Variants in TLK1 observed in about 807,000 individuals in gnomAD.
TLK1 encodes serine/threonine-protein kinase tousled-like 1.
In TLK1, 24 loss-of-function variants were observed where a neutral mutation model predicts 105.3. That is an observed-to-expected ratio of 0.23 (90% CI 0.17 to 0.32). TLK1 has a LOEUF of 0.32. TLK1 is among the 10% of genes least tolerant of loss of function. TLK1 has a pLI of 1.00. For missense variants in TLK1, 558 were observed against 910.5 expected (o/e 0.61, Z 4.98); for synonymous variants, 321 against 310.4 (o/e 1.03, Z -0.36).
intron 1 of TLK1, among the ~76,000 whole-genome samples, chr2:171,126,955 C>A (rs1690891314): frequency 6.6e-6 from 1 of 151,152 alleles, no homozygotes; most frequent in African/African-American, 2.4e-5. Flanking sequence ...TTTTTTAATG[C>A]ACTCAAAAGT....
At position 170,993,696 on chromosome 2, in the gene TLK1, A is replaced by G. The variant is rs1683903615; in HGVS notation, c.*84T>C. ...AAAAAAAAAAAAAAAAAAAAGAAAA[A>G]GAAAACAAACACTCAAATGCTCTCA... On this transcript the variant is annotated 3_prime_UTR_variant, in exon 21 of 21. Transcript: ENST00000431350. The G allele has an allele frequency of 8.9e-7, 1 of 1,119,366 alleles. No individual in the cohort carries two copies. Among genetic ancestry groups the G allele is most frequent in the Non-Finnish European group, 1.2e-6 (1 of 833,152 alleles). The allele number at this position is 1,119,366 out of a possible 1,614,324, so 69.3% of individuals were successfully genotyped here.
At chr2:171,218,497 G>A (rs1196532174) in intron 1 of TLK1, among the ~76,000 whole-genome samples, 1 of 152,108 alleles carries the variant, frequency 6.6e-6, no homozygotes, top group Non-Finnish European at 1.5e-5. Context: ...TTAAAAAGTT[G>A]GTGTCTTAGT....
chr2:171,139,279 A>G (rs999728928), intron 1 of TLK1, among the ~76,000 whole-genome samples: 1 of 144,350 alleles, frequency 6.9e-6, no homozygotes, highest in Non-Finnish European at 1.6e-5. Context: ...CATTGGTACT[A>G]GCCGGTTGCC....
chr2:171,039,128 T>G (rs1375559650), intron 11 of TLK1, among the ~76,000 whole-genome samples: 3 of 152,198 alleles, frequency 2.0e-5, no homozygotes, highest in African/African-American at 7.2e-5. Context: ...AGCTTTCTTT[T>G]GGGTGGTGTT....
chr2:171,152,029 G>A (rs901105469), intron 1 of TLK1, among the ~76,000 whole-genome samples: 2 of 152,302 alleles, frequency 1.3e-5, no homozygotes, highest in African/African-American at 4.8e-5. Flanking sequence ...CTTCACCAGA[G>A]GAACTACATT....
At chr2:171,063,817 A>ACATGC (rs1220733731) in intron 3 of TLK1, among the ~76,000 whole-genome samples, 2 of 152,236 alleles carry the variant, frequency 1.3e-5, no homozygotes, top group African/African-American at 4.8e-5. Flanking sequence ...CAAAATGCTA[A>ACATGC]CATGCACTGG....
chr2:171,005,614 T>C (rs1684616565), intron 18 of TLK1, among the ~76,000 whole-genome samples: 2 of 152,276 alleles, frequency 1.3e-5, no homozygotes, highest in South Asian at 4.1e-4. Flanking sequence ...TGCGTACCTG[T>C]GGTCTCAGTT....
At chr2:171,203,533 T>C (rs1479914217) in intron 1 of TLK1, among the ~76,000 whole-genome samples, 3 of 152,226 alleles carry the variant, frequency 2.0e-5, no homozygotes, top group Non-Finnish European at 2.9e-5. Flanking sequence ...CCTTCCTTTT[T>C]AAGGCTGGAT....
chr2:171,123,286 G>A (rs914876312), intron 1 of TLK1, among the ~76,000 whole-genome samples: 13 of 151,954 alleles, frequency 8.6e-5, no homozygotes, highest in African/African-American at 2.7e-4. Flanking sequence ...AACCTCCACC[G>A]CCCAGGTTCA....
chr2:171,009,289 TCC>T (rs1684792766), intron 14 of TLK1, among the ~76,000 whole-genome samples: 1 of 134,100 alleles, frequency 7.5e-6, no homozygotes, highest in Non-Finnish European at 1.6e-5. Flanking sequence ...GGATTTCTTT[TCC>T]TTTTTTTTTT....
intron 1 of TLK1, among the ~76,000 whole-genome samples, chr2:171,218,209 C>T (rs1258183521): frequency 6.6e-6 from 1 of 152,164 alleles, no homozygotes; most frequent in Admixed American, 6.5e-5. Context: ...GCTGAGATTG[C>T]ATCACTGCAC....
At position 171,160,773 on chromosome 2, in the gene TLK1, C is replaced by CGAG. The variant is rs1692462814; in HGVS notation, c.-348_-346dup. The CGAG allele has an allele frequency of 4.9e-6, 2 of 411,980 alleles. No individual in the cohort carries two copies. The highest frequency in any genetic ancestry group is 4.3e-5 in the African/African-American group (2 of 46,204). The allele number at this position is 411,980 out of a possible 1,614,324, so 25.5% of individuals were successfully genotyped here. On this transcript the variant is annotated 5_prime_UTR_variant, in exon 1 of 21. Coordinates refer to ENST00000431350, the MANE Select transcript of TLK1 (RefSeq NM_012290.5). This position sits in a 1 kb window ranked among gnomAD's most constrained non-coding sequence, Gnocchi z 4.4. ...CGGGCGGAGCGCGGGCTGCGCCGGC[C>CGAG]GAGGACACTTCCGCGGGCGGAACCT... is the stretch of plus-strand genomic sequence containing the variant.
intron 10 of TLK1, 73 bp from the exon 11 acceptor site, chr2:171,046,435 A>AT: frequency 6.9e-7 from 1 of 1,448,856 alleles, no homozygotes; most frequent in Non-Finnish European, 9.2e-7. Flanking sequence ...GAAAAAATGC[A>AT]TAAAAAACAT....
intron 3 of TLK1, among the ~76,000 whole-genome samples, chr2:171,081,876 G>A (rs1166546516): frequency 6.6e-6 from 1 of 152,150 alleles, no homozygotes; most frequent in East Asian, 1.9e-4. Context: ...CCTCTGAACA[G>A]TGAAACAAAA....
intron 1 of TLK1, among the ~76,000 whole-genome samples, chr2:171,212,616 G>T (rs1426218222): frequency 1.3e-5 from 2 of 152,082 alleles, no homozygotes; most frequent in Admixed American, 6.5e-5. Context: ...CTTCGGAAAA[G>T]AAATTTAAGT....
intron 8 of TLK1, among the ~76,000 whole-genome samples, 172 bp from the exon 9 acceptor site, chr2:171,050,346 A>C (rs894949280): frequency 1.1e-4 from 16 of 152,040 alleles, no homozygotes; most frequent in African/African-American, 3.6e-4. Context: ...ATACTGTTAA[A>C]TGTTACTTAA....
At chr2:171,218,016 G>A (rs1693744849) in intron 1 of TLK1, among the ~76,000 whole-genome samples, 1 of 152,192 alleles carries the variant, frequency 6.6e-6, no homozygotes, top group African/African-American at 2.4e-5. Flanking sequence ...CACTTTGGGA[G>A]GCGGAGGCGG....
chr2:171,093,434 T>C (rs1055871294), intron 2 of TLK1, among the ~76,000 whole-genome samples: 4 of 152,056 alleles, frequency 2.6e-5, no homozygotes, highest in Non-Finnish European at 5.9e-5. Flanking sequence ...GTGATGCATC[T>C]GATGAAAAGA....
chr2:171,024,194 T>A (rs192864299), intron 12 of TLK1, among the ~76,000 whole-genome samples: 2 of 152,300 alleles, frequency 1.3e-5, no homozygotes, highest in African/African-American at 4.8e-5. Flanking sequence ...ATAGTCTCCA[T>A]ACATTTTACT....
Sources: gnomAD v4.1 joint callset for allele counts (sites outside exome capture counted in the v4.1 genomes callset) on GRCh38, gnomAD v4.1.1 for gene constraint, Gnocchi (gnomAD v3.1) non-coding constraint, MANE v1.5 for transcripts, NCBI Gene and HGNC (gene_info 2026-07-23, HGNC 2026-07-21) for gene names.